Variants in FARS2 observed in about 807,000 individuals in gnomAD.
The protein encoded by FARS2 is phenylalanyl-tRNA synthetase 2, mitochondrial.
FARS2 carries 40 observed loss-of-function variants against 46.4 expected under a neutral mutation model. The ratio of observed to expected loss-of-function variants is 0.86; its 90% CI spans 0.67 to 1.12. The LOEUF is 1.12. FARS2 is among the 50% of genes most tolerant of loss of function. FARS2 has a pLI of 0.00. For missense variants in FARS2, 513 were observed against 567.9 expected (o/e 0.90, Z 0.98); for synonymous variants, 234 against 214.9 (o/e 1.09, Z -0.78).
intron 4 of FARS2, among the ~76,000 whole-genome samples, chr6:5,525,617 G>A (rs576341685): frequency 5.3e-5 from 8 of 152,308 alleles, no homozygotes; most frequent in African/African-American, 1.9e-4. Context: ...TCAATGAGGG[G>A]AACAGAAACT....
intron 5 of FARS2, among the ~76,000 whole-genome samples, chr6:5,564,222 G>A (rs192624970): frequency 2.5e-3 from 377 of 152,286 alleles, no homozygotes; most frequent in Middle Eastern, 0.01. Context: ...GTGTGGGTAG[G>A]TAATTTCCAT....
intron 6 of FARS2, among the ~76,000 whole-genome samples, chr6:5,708,582 C>A (rs549649240): frequency 6.6e-6 from 1 of 152,336 alleles, no homozygotes; most frequent in Admixed American, 6.5e-5. Flanking sequence ...TCTGGTCAAA[C>A]CACTCAAAGC....
the FARS2 span, among the ~76,000 whole-genome samples, chr6:5,253,395 A>G: frequency 6.0e-5 from 9 of 149,960 alleles, no homozygotes; most frequent in Non-Finnish European, 1.0e-4. Context: ...AAATGTGGTT[A>G]TGTTATACAT....
intron 6 of FARS2, among the ~76,000 whole-genome samples, chr6:5,616,657 T>G (rs1775494286): frequency 6.6e-6 from 1 of 152,230 alleles, no homozygotes; most frequent in Admixed American, 6.5e-5. Flanking sequence ...AAATAAAGTT[T>G]ATGTATATTG....
chr6:5,395,306 C>G lies in FARS2; in HGVS notation c.613-9236C>G, dbSNP rs1469565827. On this transcript the variant is annotated intron_variant, in intron 2 of 6. Transcript: ENST00000274680. ...CCTCAAGGAATCCACCTGCCTCGGCCTCTGAAAGTGCTGGGACTACAGGTG... is the reference window on the plus strand; with the variant it reads ...CCTCAAGGAATCCACCTGCCTCGGCGTCTGAAAGTGCTGGGACTACAGGTG... Among the ~76,000 whole-genome samples the G allele has an allele frequency of 6.6e-5, 10 of 152,138 alleles. No individual in the cohort carries two copies. In the East Asian group the frequency reaches 1.9e-3, roughly 29 times the overall value.
At chr6:5,299,103 A>G (rs1038519313) in intron 1 of FARS2, among the ~76,000 whole-genome samples, 6 of 152,214 alleles carry the variant, frequency 3.9e-5, no homozygotes, top group Non-Finnish European at 8.8e-5. Flanking sequence ...TTTGGAAGAT[A>G]AAGAGCAACT....
At chr6:5,537,920 A>G (rs1449553029) in intron 4 of FARS2, among the ~76,000 whole-genome samples, 2 of 150,906 alleles carry the variant, frequency 1.3e-5, no homozygotes, top group African/African-American at 4.9e-5. Flanking sequence ...CTTCTCTTAC[A>G]TCTTTTGCTT....
rs962114969 is a variant in FARS2 at position 5,545,190 on chromosome 6, A to G, written c.915A>G (p.Gln305=). Residue 305 remains glutamine, a synonymous_variant, in exon 5 of 7, where the codon CAA becomes CAG. Coordinates refer to ENST00000274680, the MANE Select transcript of FARS2 (RefSeq NM_006567.5). ...GTTTCCTAATCACAGCTGGTGCTCAAGACCGAATCGGCTGGGCTTTTGGCC... is the reference window on the plus strand; with the variant it reads ...GTTTCCTAATCACAGCTGGTGCTCAGGACCGAATCGGCTGGGCTTTTGGCC... ...EQQLVNSAGA[Q]DRIGWAFGLG... 1.9e-6 allele frequency: 3 copies of G among 1,613,900 alleles called. No homozygotes were observed. Among genetic ancestry groups the G allele is most frequent in the Middle Eastern group, 1.7e-4 (1 of 6,054 alleles).
At position 5,290,805 on chromosome 6, in the gene FARS2, C is replaced by A. The variant is rs574743105; in HGVS notation, c.-22+29145C>A. Among the ~76,000 whole-genome samples, 29 of 152,342 alleles carry A rather than the reference C, an allele frequency of 1.9e-4. No individual in the cohort carries two copies. In the South Asian group the frequency reaches 5.6e-3, roughly 29 times the overall value. On this transcript the variant is annotated intron_variant, in intron 1 of 6. Transcript: ENST00000274680. ...GCACAATCATGGGTCACTGTAGCCT[C>A]CACCTCCTTCCAGCCTTCCACCTCC...
chr6:5,528,782 G>GC (rs537484940), intron 4 of FARS2, among the ~76,000 whole-genome samples: 50 of 152,312 alleles, frequency 3.3e-4, no homozygotes, highest in African/African-American at 6.5e-4. Context: ...CCCTATAAAA[G>GC]CAACAGGTAT....
rs574254427 is a variant in FARS2 at position 5,444,334 on chromosome 6, T to G, written c.904+13162T>G. Among the ~76,000 whole-genome samples the G allele has an allele frequency of 7.3e-5, 11 of 151,194 alleles. No homozygotes were observed. The South Asian group carries it at 1.0e-3, about 14-fold the overall frequency. The stretch of plus-strand genomic sequence containing the variant: ...ATACAAAAATTAGCTGGGCATGGTG[T>G]CAGGTGCCTGTAATCCCAGCTACTT... On this transcript the variant is annotated intron_variant, in intron 4 of 6. Transcript: ENST00000274680.
rs1440083127 is a variant in FARS2, at chr6:5,467,025, A to G, written c.904+35853A>G. On this transcript the variant is annotated intron_variant, in intron 4 of 6. Transcript: ENST00000274680. ...CCTCCTGAGACATTGAATACAAATTAAAGTTTTATAGATGGACCATGGGAT... is the reference window on the plus strand; with the variant it reads ...CCTCCTGAGACATTGAATACAAATTGAAGTTTTATAGATGGACCATGGGAT... 10 of 985,156 alleles carry G rather than the reference A, an allele frequency of 1.0e-5. No individual in the cohort carries two copies. The Middle Eastern group carries it at 2.6e-3, about 257-fold the overall frequency. The allele number at this position is 985,156 out of a possible 1,614,324, so 61.0% of individuals were successfully genotyped here.
At chr6:5,388,308 A>T (rs1384191690) in intron 2 of FARS2, among the ~76,000 whole-genome samples, 5 of 152,254 alleles carry the variant, frequency 3.3e-5, no homozygotes, top group African/African-American at 1.2e-4. Context: ...CTGGGATTTT[A>T]TCAAGTTCAT....
intron 6 of FARS2, among the ~76,000 whole-genome samples, chr6:5,732,810 T>TA (rs1760720387): frequency 7.2e-6 from 1 of 138,354 alleles, no homozygotes; most frequent in African/African-American, 3.0e-5. Context: ...TTTCATATCC[T>TA]TCAAAAAAAA....
chr6:5,381,157 C>T (rs986655936), intron 2 of FARS2, among the ~76,000 whole-genome samples: 3 of 151,976 alleles, frequency 2.0e-5, no homozygotes, highest in South Asian at 2.1e-4. Context: ...CCCGCCACCA[C>T]ACCCGGCTAA....
chr6:5,392,733 T>C lies in FARS2; in HGVS notation c.613-11809T>C, dbSNP rs533609312. ...AAACACTTGCTCTAAAATATATATA[T>C]ATACACACACACACACACACACACA... On this transcript the variant is annotated intron_variant, in intron 2 of 6. Transcript: ENST00000274680. 4.5e-3 allele frequency among the ~76,000 whole-genome samples: 379 copies of C among 85,120 alleles called. 2 individuals are homozygous for C. The highest frequency in any genetic ancestry group is 7.7e-3 in the Admixed American group (59 of 7,662). 55.8% of individuals were successfully genotyped at this position (85,120 alleles called of 152,430 possible).
Position 5,379,003 on chromosome 6 carries a change from T to C in FARS2, c.612+9821T>C, listed in dbSNP as rs60194155. On this transcript the variant is annotated intron_variant, in intron 2 of 6. Transcript: ENST00000274680. Reference sequence around the variant, plus strand: ...TAATTAGTCTTTGGCTACGACAAGATGGAAACTATTAGGCTCTTAGTCTGA... The same window carrying C: ...TAATTAGTCTTTGGCTACGACAAGACGGAAACTATTAGGCTCTTAGTCTGA... Among the ~76,000 whole-genome samples, 1,392 of 152,322 alleles carry C rather than the reference T, an allele frequency of 9.1e-3. 18 individuals carry two copies. Among genetic ancestry groups the C allele is most frequent in the African/African-American group, 0.031 (1,298 of 41,578 alleles).
intron 4 of FARS2, among the ~76,000 whole-genome samples, chr6:5,501,628 G>T (rs1285989487): frequency 6.6e-6 from 1 of 152,060 alleles, no homozygotes; most frequent in African/African-American, 2.4e-5. Flanking sequence ...CTGAGTAGCT[G>T]GGACTACAGG....
chr6:5,711,075 A>G (rs1759115952), intron 6 of FARS2, among the ~76,000 whole-genome samples: 1 of 152,192 alleles, frequency 6.6e-6, no homozygotes, highest in African/African-American at 2.4e-5. Context: ...TATAATACAA[A>G]TATCTCATAA....
Sources: allele counts gnomAD v4.1 joint callset (sites outside exome capture counted in the v4.1 genomes callset), GRCh38; gene constraint gnomAD v4.1.1; transcripts MANE v1.5; gene names NCBI Gene and HGNC (gene_info 2026-07-23, HGNC 2026-07-21).